Variants in MYT1L observed in about 807,000 individuals in gnomAD.
MYT1L encodes myelin transcription factor 1-like protein.
MYT1L carries 12 observed loss-of-function variants against 126.7 expected under a neutral mutation model. That is an observed-to-expected ratio of 0.09 (90% confidence interval 0.06 to 0.15). The LOEUF (loss-of-function observed/expected upper bound fraction) is 0.15, where lower values mean the gene tolerates loss of function less well. Among genes scored for constraint, MYT1L ranks in the 10% least tolerant of loss-of-function variants. MYT1L has a pLI of 1.00. For missense variants in MYT1L, 979 were observed against 1,585.2 expected (o/e 0.62, Z 6.49); for synonymous variants, 541 against 604.2 (o/e 0.90, Z 1.53).
chr2:1,891,579 AT>A (rs1184075089), intron 15 of MYT1L, among the ~76,000 whole-genome samples: 2 of 152,106 alleles, frequency 1.3e-5, no homozygotes, highest in African/African-American at 2.4e-5. Flanking sequence ...GTGAAGTCTG[AT>A]TTTTACTTCC....
At chr2:1,849,132 T>C (rs1043008725) in intron 19 of MYT1L, among the ~76,000 whole-genome samples, 5 of 145,254 alleles carry the variant, frequency 3.4e-5, no homozygotes, top group Non-Finnish European at 6.0e-5. Flanking sequence ...GAGGACTAAA[T>C]TTACATGATG....
chr2:2,314,641 T>C (rs1372808603), intron 1 of MYT1L, among the ~76,000 whole-genome samples: 7 of 152,042 alleles, frequency 4.6e-5, no homozygotes, highest in Non-Finnish European at 7.4e-5. Flanking sequence ...TGATGGTTTG[T>C]TGAACCTATC....
At chr2:2,114,570 GT>G (rs1389272027) in intron 3 of MYT1L, among the ~76,000 whole-genome samples, 3 of 152,190 alleles carry the variant, frequency 2.0e-5, no homozygotes, top group Non-Finnish European at 4.4e-5. Flanking sequence ...CTTTTCAGGT[GT>G]TTAATATCTG....
intron 3 of MYT1L, among the ~76,000 whole-genome samples, chr2:2,166,137 C>T (rs1559201468): frequency 6.6e-6 from 1 of 152,126 alleles, no homozygotes; most frequent in Admixed American, 6.5e-5. Flanking sequence ...TTTCCTTCCT[C>T]GTCTCCTTAT....
rs372406872 is a variant in MYT1L at position 1,932,335 on chromosome 2, G to A, written c.506-9072C>T. ...CTGAAAACTGCAAAGTCTTTGGAGA[G>A]GGCAATGTAGCACAACCCTTTTATC... On this transcript the variant is annotated intron_variant, in intron 9 of 24. Transcript: ENST00000647738. Among the ~76,000 whole-genome samples the A allele has an allele frequency of 5.9e-5, 9 of 152,308 alleles. No individual in the cohort carries two copies. The East Asian group carries it at 9.6e-4, about 16-fold the overall frequency.
intron 2 of MYT1L, among the ~76,000 whole-genome samples, chr2:2,220,938 A>G (rs1292015353): frequency 1.3e-5 from 2 of 152,194 alleles, no homozygotes; most frequent in Non-Finnish European, 2.9e-5. Context: ...GTGATGGTTT[A>G]AAAGAGAGAG....
intron 3 of MYT1L, among the ~76,000 whole-genome samples, chr2:2,157,148 C>A (rs913573242): frequency 1.2e-4 from 19 of 152,226 alleles, no homozygotes; most frequent in African/African-American, 4.6e-4. Context: ...AACAATCAAG[C>A]AGATCAGTGA....
intron 2 of MYT1L, among the ~76,000 whole-genome samples, chr2:2,199,419 G>A (rs1204008482): frequency 1.3e-5 from 2 of 152,126 alleles, no homozygotes; most frequent in Non-Finnish European, 2.9e-5. Context: ...TAGACTGCGT[G>A]AAATGCAGAT....
In MYT1L at chr2:2,275,489, T is replaced by C. The variant is rs544435601; in HGVS notation, c.-421+8915A>G. 4.6e-5 allele frequency among the ~76,000 whole-genome samples: 7 copies of C among 152,180 alleles called. 1 individual carries two copies. The highest frequency in any genetic ancestry group is 4.6e-4 in the Admixed American group (7 of 15,290). On this transcript the variant is annotated intron_variant, in intron 2 of 24. Transcript: ENST00000647738. ...AGCCCCAGTGCCCCCAGTTGGGCGA[T>C]TTGGATGCTGTTGAATGAGAAGAAC...
At chr2:2,169,370 A>G (rs2089658588) in intron 3 of MYT1L, among the ~76,000 whole-genome samples, 1 of 152,180 alleles carries the variant, frequency 6.6e-6, no homozygotes, top group Non-Finnish European at 1.5e-5. Context: ...TTAAAGATAC[A>G]CAGATTCTAC....
intron 9 of MYT1L, among the ~76,000 whole-genome samples, chr2:1,924,905 T>C (rs531467346): frequency 1.3e-5 from 2 of 152,344 alleles, no homozygotes; most frequent in South Asian, 2.1e-4. Context: ...CTTTTAGGAC[T>C]TGAAGTCAAT....
At chr2:2,046,923 G>A (rs1333611317) in intron 4 of MYT1L, among the ~76,000 whole-genome samples, 1 of 152,136 alleles carries the variant, frequency 6.6e-6, no homozygotes, top group Non-Finnish European at 1.5e-5. Context: ...ACTCCACTTG[G>A]AAGTTATGGT....
intron 4 of MYT1L, among the ~76,000 whole-genome samples, chr2:2,017,618 A>T (rs963483582): frequency 2.6e-5 from 4 of 152,238 alleles, no homozygotes; most frequent in African/African-American, 9.6e-5. Flanking sequence ...TATTATGAAG[A>T]CTTTGTAGCA....
chr2:2,124,089 A>G (rs17338526), intron 3 of MYT1L, among the ~76,000 whole-genome samples: 5,026 of 152,260 alleles, frequency 0.033, 113 homozygotes, highest in East Asian at 0.082. Context: ...CAATACAGAG[A>G]CTTTTCCTAA....
At chr2:2,003,203 G>C (rs1450977901) in intron 4 of MYT1L, among the ~76,000 whole-genome samples, 2 of 152,012 alleles carry the variant, frequency 1.3e-5, no homozygotes, top group Non-Finnish European at 2.9e-5. Flanking sequence ...CTGCATGGGG[G>C]GCATCTGTGC....
intron 3 of MYT1L, among the ~76,000 whole-genome samples, chr2:2,144,989 AT>A (rs1329128187): frequency 6.6e-6 from 1 of 152,246 alleles, no homozygotes; most frequent in African/African-American, 2.4e-5. Flanking sequence ...ACTTGTAAAA[AT>A]ATCTCTGATC....
At chr2:2,006,525 C>T (rs2149722214) in intron 4 of MYT1L, among the ~76,000 whole-genome samples, 1 of 152,272 alleles carries the variant, frequency 6.6e-6, no homozygotes, top group South Asian at 2.1e-4. Context: ...CCATCACCCC[C>T]CACCCATAAC....
intron 2 of MYT1L, among the ~76,000 whole-genome samples, chr2:2,266,798 A>C (rs1572976758): frequency 6.6e-6 from 1 of 152,080 alleles, no homozygotes; most frequent in Non-Finnish European, 1.5e-5. Flanking sequence ...ACGGTTTTAT[A>C]AGGGCTTTCC....
At chr2:1,931,938 C>A (rs2055058992) in intron 9 of MYT1L, among the ~76,000 whole-genome samples, 1 of 152,178 alleles carries the variant, frequency 6.6e-6, no homozygotes, top group Non-Finnish European at 1.5e-5. Flanking sequence ...CAGGAAGGCA[C>A]CTGTCCCCCC....
Sources: allele counts gnomAD v4.1 joint callset (sites outside exome capture counted in the v4.1 genomes callset), GRCh38; gene constraint gnomAD v4.1.1; transcripts MANE v1.5; gene names NCBI Gene and HGNC (gene_info 2026-07-23, HGNC 2026-07-21).